The following UBE2E2 variants were observed in gnomAD, a reference collection of about 807,000 sequenced individuals.
UBE2E2 encodes ubiquitin-conjugating enzyme E2 E2.
In UBE2E2, 6 loss-of-function variants were observed where a neutral mutation model predicts 24.7. That is an observed-to-expected ratio of 0.24 (90% CI 0.13 to 0.48). UBE2E2 has a LOEUF of 0.48. UBE2E2 is among the 20% of genes least tolerant of loss of function. The pLI, the probability that UBE2E2 is intolerant of heterozygous loss-of-function variation, is 0.99. For missense variants in UBE2E2, 169 were observed against 245.0 expected (o/e 0.69, Z 2.07); for synonymous variants, 104 against 83.6 (o/e 1.24, Z -1.33).
chr3:23,335,032 T>C (rs1401712328), intron 3 of UBE2E2, among the ~76,000 whole-genome samples: 1 of 152,228 alleles, frequency 6.6e-6, no homozygotes, highest in East Asian at 1.9e-4. Flanking sequence ...ACATTAAATA[T>C]GCACATAAAT....
At chr3:23,504,114 G>A (rs1694374624) in intron 4 of UBE2E2, among the ~76,000 whole-genome samples, 1 of 151,990 alleles carries the variant, frequency 6.6e-6, no homozygotes, top group Non-Finnish European at 1.5e-5. Flanking sequence ...ATATAAATAT[G>A]TACACGTACA....
intron 3 of UBE2E2, among the ~76,000 whole-genome samples, chr3:23,466,496 G>T (rs1402495931): frequency 1.3e-5 from 2 of 152,192 alleles, no homozygotes; most frequent in East Asian, 3.9e-4. Flanking sequence ...AGAATATTTT[G>T]TCCAGCTTCA....
intron 3 of UBE2E2, among the ~76,000 whole-genome samples, chr3:23,291,084 A>AAC (rs1698754111): frequency 2.0e-5 from 3 of 149,968 alleles, no homozygotes; most frequent in South Asian, 2.1e-4. Context: ...AAAAAAAACA[A>AAC]AAAACGTGAG....
chr3:23,476,250 AATAGAAT>A lies in UBE2E2; in HGVS notation c.228-23357_228-23351del, dbSNP rs1699135807. On this transcript the variant is annotated intron_variant, in intron 3 of 5. Transcript: ENST00000396703. Reference sequence around the variant, plus strand: ...TGGCCATTGTTTTTGAAACTTAAGAAATAGAATTGGTGTTTTGAAAACTTGGATATTG... The same window carrying A: ...TGGCCATTGTTTTTGAAACTTAAGAATGGTGTTTTGAAAACTTGGATATTG... Among the ~76,000 whole-genome samples, 3 of 152,098 alleles carry A rather than the reference AATAGAAT, an allele frequency of 2.0e-5. No homozygotes were observed. In the South Asian group the frequency reaches 6.2e-4, roughly 31 times the overall value.
At chr3:23,578,189 C>G (rs769878505) in intron 5 of UBE2E2, among the ~76,000 whole-genome samples, 2 of 151,996 alleles carry the variant, frequency 1.3e-5, no homozygotes, top group African/African-American at 2.4e-5. Context: ...AAAAAAAGCT[C>G]AAAATCACTC....
intron 5 of UBE2E2, among the ~76,000 whole-genome samples, chr3:23,567,933 T>TA (rs1696115385): frequency 6.6e-6 from 1 of 152,110 alleles, no homozygotes; most frequent in Non-Finnish European, 1.5e-5. Context: ...TTTTTAGAGG[T>TA]AATGGTTGGT....
At chr3:23,292,458 A>G (rs908471454) in intron 3 of UBE2E2, among the ~76,000 whole-genome samples, 1 of 152,030 alleles carries the variant, frequency 6.6e-6, no homozygotes, top group African/African-American at 2.4e-5. Context: ...TTTGTGGGCC[A>G]TTCTTGAAGC....
chr3:23,394,337 T>C (rs1312466651), intron 3 of UBE2E2, among the ~76,000 whole-genome samples: 3 of 152,156 alleles, frequency 2.0e-5, no homozygotes, highest in Non-Finnish European at 4.4e-5. Context: ...TGTAAAAATA[T>C]TGTATATTTT....
intron 5 of UBE2E2, among the ~76,000 whole-genome samples, chr3:23,577,306 AC>A (rs1190235263): frequency 6.6e-6 from 1 of 150,692 alleles, no homozygotes; most frequent in Non-Finnish European, 1.5e-5. Flanking sequence ...ACAAAGTGCT[AC>A]TTTGATGAAC....
chr3:23,357,020 A>T (rs1695975433), intron 3 of UBE2E2, among the ~76,000 whole-genome samples: 1 of 152,226 alleles, frequency 6.6e-6, no homozygotes, highest in South Asian at 2.1e-4. Context: ...TTGTGGCACC[A>T]TGATTGCTAT....
chr3:23,240,589 T>C (rs1315057134), intron 3 of UBE2E2, among the ~76,000 whole-genome samples: 1 of 152,222 alleles, frequency 6.6e-6, no homozygotes, highest in Non-Finnish European at 1.5e-5. Context: ...ATTATGAACC[T>C]GCAAAGCTCA....
intron 3 of UBE2E2, among the ~76,000 whole-genome samples, chr3:23,364,747 AG>A (rs1696211835): frequency 6.6e-6 from 1 of 152,208 alleles, no homozygotes; most frequent in Non-Finnish European, 1.5e-5. Context: ...ATTGAGGTGG[AG>A]GGAATCCTCT....
rs574965442 is a variant in UBE2E2, at chr3:23,510,754, C to A, written c.360+11014C>A. Among the ~76,000 whole-genome samples, 41 of 152,156 alleles carry A rather than the reference C, an allele frequency of 2.7e-4. No individual in the cohort carries two copies. The South Asian group carries it at 7.5e-3, about 28-fold the overall frequency. ...TGTTAACAGAGACCTGCCAAAAATT[C>A]TTGTAGGTTGGTTGCTTTTTTAAAT... On this transcript the variant is annotated intron_variant, in intron 4 of 5. Transcript: ENST00000396703.
intron 3 of UBE2E2, among the ~76,000 whole-genome samples, chr3:23,370,771 T>G (rs1301087604): frequency 6.6e-6 from 1 of 152,138 alleles, no homozygotes; most frequent in Non-Finnish European, 1.5e-5. Context: ...GAGGATATGT[T>G]GTGTTCTGTA....
intron 3 of UBE2E2, among the ~76,000 whole-genome samples, chr3:23,257,477 G>C (rs991145812): frequency 7.2e-6 from 1 of 139,810 alleles, no homozygotes; most frequent in South Asian, 2.3e-4. Flanking sequence ...TGCTTAAGAC[G>C]GGTTTAATAG....
chr3:23,549,451 T>A (rs1030170120), intron 5 of UBE2E2, among the ~76,000 whole-genome samples: 2 of 152,158 alleles, frequency 1.3e-5, no homozygotes, highest in Non-Finnish European at 2.9e-5. Flanking sequence ...GAAAATTAAG[T>A]CAAAGGACCT....
chr3:23,391,234 G>A (rs1696925524), intron 3 of UBE2E2, among the ~76,000 whole-genome samples: 1 of 152,162 alleles, frequency 6.6e-6, no homozygotes, highest in Admixed American at 6.5e-5. Flanking sequence ...ATAAGTTAAT[G>A]ATTAGGTAAT....
At chr3:23,288,231 C>T (rs961763435) in intron 3 of UBE2E2, among the ~76,000 whole-genome samples, 2 of 152,160 alleles carry the variant, frequency 1.3e-5, no homozygotes, top group East Asian at 3.9e-4. Context: ...TTTGAAAATT[C>T]TTCTCGTTAT....
At chr3:23,260,973 T>C (rs1296341395) in intron 3 of UBE2E2, among the ~76,000 whole-genome samples, 1 of 152,068 alleles carries the variant, frequency 6.6e-6, no homozygotes. Flanking sequence ...CGTGGTGGCA[T>C]GTGCCTGTAG....
Sources: gnomAD v4.1 joint callset for allele counts (sites outside exome capture counted in the v4.1 genomes callset) on GRCh38, gnomAD v4.1.1 for gene constraint, MANE v1.5 for transcripts, NCBI Gene and HGNC (gene_info 2026-07-23, HGNC 2026-07-21) for gene names.